The following PHF21B variants were observed in gnomAD, a reference collection of about 807,000 sequenced individuals.
PHF21B encodes PHD finger protein 4.
A neutral mutation model predicts 62.2 loss-of-function variants in PHF21B; 22 were observed. The ratio of observed to expected loss-of-function variants is 0.35; its 90% CI spans 0.25 to 0.51. The LOEUF (loss-of-function observed/expected upper bound fraction) is 0.51. Ranked by LOEUF, PHF21B falls within the 20% of genes least tolerant of loss-of-function variation. The pLI is 0.97. For missense variants in PHF21B, 701 were observed against 707.9 expected, an observed-to-expected ratio of 0.99 and a Z score of 0.11; for synonymous variants, 341 against 314.7, an observed-to-expected ratio of 1.08 and a Z score of -0.88.
At chr22:44,984,021 C>T (rs1029152743) in intron 2 of PHF21B, among the ~76,000 whole-genome samples, 24 of 150,818 alleles carry the variant, frequency 1.6e-4, no homozygotes, top group Non-Finnish European at 2.7e-4. Context: ...CAGCCACCGC[C>T]ATCATCATTG....
intron 2 of PHF21B, among the ~76,000 whole-genome samples, chr22:44,921,539 G>A (rs977752309): frequency 2.6e-5 from 4 of 151,100 alleles, no homozygotes; most frequent in African/African-American, 9.7e-5. Context: ...CTAATTTTTT[G>A]TATTTTTAGT....
At chr22:44,974,466 CCT>C (rs1189511082) in intron 2 of PHF21B, among the ~76,000 whole-genome samples, 4 of 152,054 alleles carry the variant, frequency 2.6e-5, no homozygotes, top group Non-Finnish European at 4.4e-5. Flanking sequence ...ACAAACACAC[CCT>C]GACATGACAC....
chr22:44,942,284 T>A (rs1441000583), intron 2 of PHF21B, among the ~76,000 whole-genome samples: 2 of 152,084 alleles, frequency 1.3e-5, no homozygotes, highest in Admixed American at 1.3e-4. Context: ...CCAGGCACCA[T>A]CTGGAGGGCA....
intron 2 of PHF21B, among the ~76,000 whole-genome samples, chr22:44,946,601 T>C (rs762566551): frequency 2.0e-5 from 3 of 151,768 alleles, no homozygotes; most frequent in Non-Finnish European, 4.4e-5. Context: ...GGTAGATGGA[T>C]GGACAGTGGT....
chr22:44,926,874 G>T (rs1307630593), intron 2 of PHF21B, among the ~76,000 whole-genome samples: 1 of 152,160 alleles, frequency 6.6e-6, no homozygotes, highest in East Asian at 1.9e-4. Context: ...GTGTCTGGGC[G>T]TTGCTCAGCA....
intron 2 of PHF21B, among the ~76,000 whole-genome samples, chr22:44,930,993 G>GATA (rs2071730679): frequency 6.6e-6 from 1 of 152,202 alleles, no homozygotes; most frequent in Admixed American, 6.5e-5. Flanking sequence ...GGGACTCTTA[G>GATA]AAGACCTCAA....
chr22:44,912,638 TTTCC>T (rs1476417174), intron 5 of PHF21B, among the ~76,000 whole-genome samples: 7 of 152,108 alleles, frequency 4.6e-5, no homozygotes, highest in Non-Finnish European at 8.8e-5. Flanking sequence ...ATTAAACCTC[TTTCC>T]TTTGTAAATT....
chr22:45,006,853 G>C (rs2073323070), intron 2 of PHF21B, among the ~76,000 whole-genome samples: 1 of 142,090 alleles, frequency 7.0e-6, no homozygotes, highest in East Asian at 4.0e-4. Flanking sequence ...TCTGGTGGCA[G>C]ATTTTTTTTT....
Position 44,920,499 on chromosome 22 carries a change from T to TACAGGAGGGCAACGCTGAG in PHF21B, c.121-28_121-10dup. 6.2e-7 allele frequency: 1 copy of TACAGGAGGGCAACGCTGAG among 1,602,944 alleles called. No homozygotes were observed. Among genetic ancestry groups the TACAGGAGGGCAACGCTGAG allele is most frequent in the South Asian group, 1.1e-5 (1 of 89,728 alleles). On this transcript the variant is annotated splice_polypyrimidine_tract_variant and intron_variant, in intron 2 of 12. Transcript: ENST00000313237. ...GTGATCGTTCCCAAAGCCTGAAACATACAGGAGGGCAACGCTGAGACAGGA... is the reference window on the plus strand; with the variant it reads ...GTGATCGTTCCCAAAGCCTGAAACATACAGGAGGGCAACGCTGAGACAGGAGGGCAACGCTGAGACAGGA...
rs766009840 is a variant in PHF21B at position 44,917,868 on chromosome 22, G to C, written c.214-1238C>G. ...CAGTTGGACAGTATCACGTCTGTCA[G>C]CTCCTCACCAGTGCCTGGCACAGAG... On this transcript the variant is annotated intron_variant, in intron 3 of 12. Coordinates refer to ENST00000313237, the MANE Select transcript of PHF21B (RefSeq NM_138415.5). 8.9e-4 allele frequency among the ~76,000 whole-genome samples: 135 copies of C among 152,350 alleles called. 1 individual carries two copies. The highest frequency in any genetic ancestry group is 3.4e-3 in the Middle Eastern group (1 of 294).
chr22:45,005,232 GTTA>G (rs2073293925), intron 2 of PHF21B, among the ~76,000 whole-genome samples: 1 of 152,224 alleles, frequency 6.6e-6, no homozygotes, highest in South Asian at 2.1e-4. Flanking sequence ...ATCATATCTT[GTTA>G]AAGAAGAGGG....
intron 2 of PHF21B, among the ~76,000 whole-genome samples, chr22:44,965,267 T>C (rs1438127430): frequency 6.6e-6 from 1 of 152,046 alleles, no homozygotes; most frequent in Non-Finnish European, 1.5e-5. Flanking sequence ...TGTATGTGGA[T>C]GGCCACGCTC....
chr22:44,997,970 T>C (rs2073150663), intron 2 of PHF21B, among the ~76,000 whole-genome samples: 1 of 152,212 alleles, frequency 6.6e-6, no homozygotes. Context: ...AGCTGGCCCC[T>C]ACCCTCAATT....
intron 2 of PHF21B, among the ~76,000 whole-genome samples, chr22:44,988,492 TAGAA>T (rs1184653314): frequency 3.3e-5 from 5 of 151,566 alleles, no homozygotes; most frequent in South Asian, 2.1e-4. Context: ...AAAAGGGAAA[TAGAA>T]GGAAGAAAAA....
At chr22:44,923,320 AC>A (rs1337626610) in intron 2 of PHF21B, among the ~76,000 whole-genome samples, 9 of 140,186 alleles carry the variant, frequency 6.4e-5, no homozygotes, top group Non-Finnish European at 1.1e-4. Flanking sequence ...AGTCCATACC[AC>A]ATACCATATC....
intron 2 of PHF21B, chr22:44,933,468 C>G: frequency 2.0e-6 from 2 of 985,492 alleles, no homozygotes; most frequent in Non-Finnish European, 2.4e-6. Flanking sequence ...TCACTGCACA[C>G]CTACCCCGTG....
intron 9 of PHF21B, among the ~76,000 whole-genome samples, chr22:44,888,470 G>A (rs2070899801): frequency 6.6e-6 from 1 of 151,006 alleles, no homozygotes; most frequent in Non-Finnish European, 1.5e-5. Context: ...CTGCGGCCTA[G>A]AAAACAGCCC....
intron 2 of PHF21B, among the ~76,000 whole-genome samples, chr22:44,931,639 T>C (rs1185919932): frequency 1.5e-5 from 1 of 66,984 alleles, no homozygotes; most frequent in East Asian, 4.7e-4. Context: ...GGTTGTGATC[T>C]TGGGGGGGGG....
At chr22:44,933,749 A>G (rs936088865) in intron 2 of PHF21B, among the ~76,000 whole-genome samples, 2 of 152,116 alleles carry the variant, frequency 1.3e-5, no homozygotes, top group African/African-American at 2.4e-5. Flanking sequence ...AGACAGACAG[A>G]CAGAGAGACA....
Sources: gnomAD v4.1 joint callset for allele counts (sites outside exome capture counted in the v4.1 genomes callset) on GRCh38, gnomAD v4.1.1 for gene constraint, MANE v1.5 for transcripts, NCBI Gene and HGNC (gene_info 2026-07-23, HGNC 2026-07-21) for gene names.